The following CCDC154 variants were observed in gnomAD, a reference collection of about 807,000 sequenced individuals.
CCDC154 encodes the protein coiled-coil domain containing 154.
CCDC154 carries 91 observed loss-of-function variants against 87.5 expected under a neutral mutation model. The ratio of observed to expected loss-of-function variants is 1.04; its 90% confidence interval spans 0.88 to 1.24. The LOEUF is 1.24. CCDC154 is among the 50% of genes most tolerant of loss of function. The probability of loss-of-function intolerance (pLI) is 0.00; values close to 1 mark genes in which losing one functional copy is unlikely to be tolerated. For synonymous variants in CCDC154, 418 were observed against 400.4 expected (o/e 1.04, Z -0.52); for missense variants, 903 against 879.2 (o/e 1.03, Z -0.34).
rs989912102 is a variant in CCDC154 at position 1,443,615 on chromosome 16, C to T, written c.305G>A (p.Arg102Gln). The T allele has an allele frequency of 4.3e-5, 61 of 1,422,936 alleles. No homozygotes were observed. The highest frequency in any genetic ancestry group is 4.4e-5 in the Non-Finnish European group (47 of 1,080,206). The allele number at this position is 1,422,936 out of a possible 1,614,324, so 88.1% of individuals were successfully genotyped here. A position where few individuals can be genotyped will look rare whatever the true frequency, so the allele number is the denominator to read the frequency against. ...RCERATRSLL[R>Q]ELLQVRARVQ... The stretch of plus-strand genomic sequence containing the variant: ...GCGGGCCCGCACCTGGAGCAGCTCC[C>T]GCAGCAGGCTCCGCGTGGCGCGCTC... Residue 102 changes from arginine (R) to glutamine (Q), a missense_variant, in exon 3 of 17, where the codon CGG becomes CAG. Transcript: ENST00000389176.
rs2038560950 is a variant in CCDC154, at chr16:1,442,493, C to T, written c.588G>A (p.Glu196=). The change falls in exon 6 of 17, where the codon GAG becomes GAA. Residue 196 remains glutamate (E), a synonymous_variant. Transcript: ENST00000389176. ...CGCCGCAGGCCACCTCCCGGCCCTG[C>T]TCCTCCTGCTGCAGCAAGTCGGTCA... The part of the protein sequence containing the change: ...AKLTDLLQQE[E]QGREVACGAL... 5 of 1,549,066 alleles carry T rather than the reference C, an allele frequency of 3.2e-6. No homozygotes were observed. The highest frequency in any genetic ancestry group is 4.4e-6 in the Non-Finnish European group (5 of 1,146,444).
Position 1,442,959 on chromosome 16 carries a change from C to T in CCDC154, c.472G>A (p.Glu158Lys), listed in dbSNP as rs1215382087. ...CTCCTCCTGAGCCGGGTCAAGGCTTCCCGGACCTCCACCAGCCTGGGACAC... is the reference window on the plus strand; with the variant it reads ...CTCCTCCTGAGCCGGGTCAAGGCTTTCCGGACCTCCACCAGCCTGGGACAC... ...ALDKRLVEVR[E>K]ALTRLRRRQV... Residue 158 changes from glutamate to lysine, a missense_variant, in exon 5 of 17, where the codon GAA becomes AAA. Physicochemically the swap from Glu to Lys is moderately conservative, Grantham distance 56. Transcript: ENST00000389176. 1.9e-6 allele frequency: 3 copies of T among 1,550,026 alleles called. No individual in the cohort carries two copies. Among genetic ancestry groups the T allele is most frequent in the South Asian group, 2.4e-5 (2 of 84,066 alleles).
rs1277939162 is a variant in CCDC154 at position 1,439,031 on chromosome 16, C to A, written c.771G>T (p.Leu257=). 6.5e-7 allele frequency: 1 copy of A among 1,550,268 alleles called. No homozygotes were observed. Among genetic ancestry groups the A allele is most frequent in the Admixed American group, 2.0e-5 (1 of 51,004 alleles). Residue 257 remains leucine (L), a synonymous_variant, in exon 7 of 17, where the codon CTG becomes CTT. Transcript: ENST00000389176. Reference sequence around the variant, plus strand: ...GCCGCGGGCAGGCTCCCACCTTCTCCAGGGCCAGGAAGCTCTTCTGCAGGA... The same window carrying A: ...GCCGCGGGCAGGCTCCCACCTTCTCAAGGGCCAGGAAGCTCTTCTGCAGGA... ...CGFLQKSFLA[L]EKRMKASESS...
rs763994634 is a variant in CCDC154, at chr16:1,436,535, C to T, written c.1411-14G>A. The T allele has an allele frequency of 5.2e-5, 81 of 1,548,020 alleles. 1 individual carries two copies. The highest frequency in any genetic ancestry group is 1.7e-4 in the Middle Eastern group (1 of 6,010). ...GACACTCTCTATCTGAACACAGAGC[C>T]GGGAGCGGCGGGCAGCCCCAGGGCG... is the stretch of plus-strand genomic sequence containing the variant. On this transcript the variant is annotated splice_polypyrimidine_tract_variant and intron_variant, in intron 12 of 16. Coordinates refer to ENST00000389176, the MANE Select transcript of CCDC154 (RefSeq NM_001143980.3).
At chr16:1,444,102 T>C (rs2038587290) in intron 1 of CCDC154, 90 bp from the exon 2 acceptor site, 3 of 1,105,346 alleles carry the variant, frequency 2.7e-6, no homozygotes, top group Non-Finnish European at 3.6e-6. Context: ...CGCAGGACCC[T>C]CGCCCACCAC....
intron 4 of CCDC154, 34 bp downstream of exon 4, chr16:1,443,227 C>T: frequency 3.2e-6 from 5 of 1,546,682 alleles, no homozygotes; most frequent in Non-Finnish European, 4.4e-6. Flanking sequence ...ACCTCCCCGC[C>T]CTGGGCCTGT....
rs12929054 is a variant in CCDC154, at chr16:1,443,490, T to C, written c.414+16A>G. 5.1e-5 allele frequency: 74 copies of C among 1,443,722 alleles called. No homozygotes were observed. Among genetic ancestry groups the C allele is most frequent in the Admixed American group, 3.0e-4 (11 of 36,300 alleles). The allele number at this position is 1,443,722 out of a possible 1,614,324, so 89.4% of individuals were successfully genotyped here. On this transcript the variant is annotated intron_variant, in intron 3 of 16. Transcript: ENST00000389176. ...GGAAAGGGGCAGCTCGACCTGTGGG[T>C]GGGGGAGCCGCTCACCTCCGGCGCC... is the stretch of plus-strand genomic sequence containing the variant.
At position 1,442,864 on chromosome 16, in the gene CCDC154, G is replaced by A. The variant is rs1171772747; in HGVS notation, c.551+16C>T. Reference sequence around the variant, plus strand: ...CACGCAAGCTCCGGAGCCAGCCACGGGCGGTGGGCGCCCACCTGAGGCCGG... The same window carrying A: ...CACGCAAGCTCCGGAGCCAGCCACGAGCGGTGGGCGCCCACCTGAGGCCGG... On this transcript the variant is annotated intron_variant, in intron 5 of 16. Transcript: ENST00000389176. The A allele has an allele frequency of 1.3e-6, 2 of 1,545,378 alleles. No homozygotes were observed. Among genetic ancestry groups the A allele is most frequent in the South Asian group, 2.4e-5 (2 of 83,932 alleles).
chr16:1,434,570 C>CCCCCCCCCCCCCCT, intron 16 of CCDC154, 36 bp from the exon 17 acceptor site: 2 of 1,518,528 alleles, frequency 1.3e-6, no homozygotes, highest in Non-Finnish European at 1.8e-6. Context: ...CCTGCACCCC[C>CCCCCCCCCCCCCCT]GCCCCACCCC....
At position 1,439,091 on chromosome 16, in the gene CCDC154, CAGG is replaced by C. The variant is rs1380461046; in HGVS notation, c.708_710del (p.Ser236_Leu237delinsArg). On this transcript the variant is annotated inframe_deletion, in exon 7 of 17. Coordinates refer to ENST00000389176, the MANE Select transcript of CCDC154 (RefSeq NM_001143980.3). ...GCTTGGCCTCCCTCTTCAGGAAGCGCAGGCTCACCTCTTCGCCGAGCTTGGTCA... is the reference window on the plus strand; with the variant it reads ...GCTTGGCCTCCCTCTTCAGGAAGCGCCTCACCTCTTCGCCGAGCTTGGTCA... The C allele has an allele frequency of 6.5e-7, 1 of 1,550,260 alleles. No individual in the cohort carries two copies. The highest frequency in any genetic ancestry group is 1.2e-5 in the South Asian group (1 of 84,060).
intron 9 of CCDC154, 36 bp from the exon 10 acceptor site, chr16:1,438,212 G>A: frequency 3.4e-6 from 5 of 1,486,050 alleles, no homozygotes; most frequent in Non-Finnish European, 4.5e-6. Context: ...CCTCAGTGGA[G>A]CCTGCCCACC....
intron 6 of CCDC154, among the ~76,000 whole-genome samples, chr16:1,440,542 GAGAAA>G (rs1007463636): frequency 7.9e-5 from 12 of 152,032 alleles, no homozygotes; most frequent in African/African-American, 2.2e-4. Flanking sequence ...GAAAGGAAAA[GAGAAA>G]AGAAAAGAAA....
intron 11 of CCDC154, chr16:1,437,226 G>A (rs2038510285): frequency 4.7e-6 from 1 of 212,510 alleles, no homozygotes; most frequent in Non-Finnish European, 9.4e-6. Context: ...GAGGCCCCGA[G>A]GAGCGGGAAA....
Position 1,442,437 on chromosome 16 carries a change from C to T in CCDC154, c.644G>A (p.Arg215Gln), listed in dbSNP as rs140200868. Residue 215 changes from arginine (R) to glutamine (Q), a missense_variant, in exon 6 of 17, where the codon CGG becomes CAG. By Grantham distance (43) the Arg-to-Gln change is conservative (BLOSUM62 1). Coordinates refer to ENST00000389176, the MANE Select transcript of CCDC154 (RefSeq NM_001143980.3). ...ALQKNQEDSS[R>Q]RVDLEVARMQ... Reference sequence around the variant, plus strand: ...TCTGGCCACCTCCAGGTCCACCCTCCGGCTGCTGTCCTCTTGGTTCTTCTG... The same window carrying T: ...TCTGGCCACCTCCAGGTCCACCCTCTGGCTGCTGTCCTCTTGGTTCTTCTG... 5,858 of 1,549,906 alleles carry T rather than the reference C, an allele frequency of 3.8e-3. 14 individuals carry two copies. The highest frequency in any genetic ancestry group is 4.4e-3 in the Non-Finnish European group (5,069 of 1,146,646).
intron 13 of CCDC154, 111 bp downstream of exon 13, chr16:1,436,334 G>C: frequency 1.9e-6 from 2 of 1,049,950 alleles, no homozygotes; most frequent in Non-Finnish European, 2.8e-6. Flanking sequence ...GGCTCAGGGG[G>C]AACAGGTCTG....
In CCDC154 at chr16:1,443,691, C is replaced by T; in HGVS notation, c.229G>A (p.Val77Met). The change falls in exon 3 of 17, where the codon GTG (valine) becomes ATG (methionine). Residue 77 changes from valine (V) to methionine (M), a missense_variant. Transcript: ENST00000389176. ...CAGGCCACCTCGGCCTGCAGCTCCA[C>T]CACCCTGGCCGGGGCGAGAGTGGGC... The part of the protein sequence containing the change: ...KHWNQLEQWV[V>M]ELQAEVACLR... 3.1e-6 allele frequency: 4 copies of T among 1,291,380 alleles called. No homozygotes were observed. Among genetic ancestry groups the T allele is most frequent in the African/African-American group, 1.5e-5 (1 of 66,486 alleles). The allele number at this position is 1,291,380 out of a possible 1,614,324, so 80.0% of individuals were successfully genotyped here. A position where few individuals can be genotyped will look rare whatever the true frequency, so the allele number is the denominator to read the frequency against.
At chr16:1,443,038 G>C (rs2038569077) in intron 4 of CCDC154, 63 bp from the exon 5 acceptor site, 1 of 1,533,898 alleles carries the variant, frequency 6.5e-7, no homozygotes, top group Non-Finnish European at 8.8e-7. Flanking sequence ...GCGGGCTGGG[G>C]GTCTGGCCAA....
intron 1 of CCDC154, 143 bp downstream of exon 1, chr16:1,444,173 T>C: frequency 9.5e-7 from 1 of 1,056,916 alleles, no homozygotes; most frequent in Non-Finnish European, 1.3e-6. Flanking sequence ...CTCAGACAAG[T>C]CCAGGGCCCT....
intron 1 of CCDC154, 134 bp downstream of exon 1, chr16:1,444,182 C>A (rs763535463): frequency 1.0e-5 from 11 of 1,087,762 alleles, no homozygotes; most frequent in Non-Finnish European, 1.3e-5. Flanking sequence ...GTCCAGGGCC[C>A]TGCCTGAAGA....
Sources: gnomAD v4.1 joint callset for allele counts (sites outside exome capture counted in the v4.1 genomes callset) on GRCh38, gnomAD v4.1.1 for gene constraint, MANE v1.5 for transcripts, NCBI Gene and HGNC (gene_info 2026-07-23, HGNC 2026-07-21) for gene names.